The following NTRK2 variants were observed in gnomAD, a reference collection of about 807,000 sequenced individuals.
NTRK2 encodes the protein BDNF/NT-3 growth factors receptor.
Under a neutral mutation model 94.5 loss-of-function variants are expected in NTRK2, and 13 were observed. That is an observed-to-expected ratio of 0.14 (90% CI 0.09 to 0.22). NTRK2 has a LOEUF of 0.22. Among genes scored for constraint, NTRK2 ranks in the 10% least tolerant of loss-of-function variants. The pLI is 1.00. For missense variants in NTRK2, 639 were observed against 1,071.2 expected, an observed-to-expected ratio of 0.60 and a Z score of 5.63; for synonymous variants, 372 against 407.4, an observed-to-expected ratio of 0.91 and a Z score of 1.05.
At chr9:84,876,187 A>C (rs2076060193) in intron 14 of NTRK2, 10 of 1,040,672 alleles carry the variant, frequency 9.6e-6, no homozygotes, top group Non-Finnish European at 1.2e-5. Context: ...TGAGTGCCAT[A>C]TTCCTAAATT....
At chr9:84,992,913 A>C (rs191477957) in intron 17 of NTRK2, among the ~76,000 whole-genome samples, 19 of 149,390 alleles carry the variant, frequency 1.3e-4, no homozygotes, top group Non-Finnish European at 2.4e-4. Context: ...AGAAAAAAAA[A>C]ATATATAAAT....
Position 84,670,652 on chromosome 9 carries a change from A to G in NTRK2, c.-97A>G. On this transcript the variant is annotated 5_prime_UTR_variant, in exon 2 of 19. Coordinates refer to ENST00000277120, the MANE Select transcript of NTRK2 (RefSeq NM_006180.6). Reference sequence around the variant, plus strand: ...CCGCAACAAGCACCGAGGAGTTAAGAGAGCCGCAAGCGCAGGGAAGGCCTC... The same window carrying G: ...CCGCAACAAGCACCGAGGAGTTAAGGGAGCCGCAAGCGCAGGGAAGGCCTC... 2.4e-6 allele frequency: 3 copies of G among 1,230,946 alleles called. No individual in the cohort carries two copies. The highest frequency in any genetic ancestry group is 3.5e-6 in the Non-Finnish European group (3 of 845,352). The allele number at this position is 1,230,946 out of a possible 1,614,324, so 76.3% of individuals were successfully genotyped here.
At chr9:84,963,368 A>G (rs1825177898) in intron 17 of NTRK2, among the ~76,000 whole-genome samples, 1 of 152,248 alleles carries the variant, frequency 6.6e-6, no homozygotes, top group Non-Finnish European at 1.5e-5. Context: ...AAAGAAAATT[A>G]TCTGTCACAT....
At chr9:84,756,314 C>T (rs1177549276) in intron 12 of NTRK2, among the ~76,000 whole-genome samples, 1 of 152,212 alleles carries the variant, frequency 6.6e-6, no homozygotes. Context: ...TTAGCTCTCG[C>T]ATTGCTTCCT....
At chr9:84,813,753 C>T (rs2133598552) in intron 12 of NTRK2, 2 of 1,066,108 alleles carry the variant, frequency 1.9e-6, no homozygotes, top group Non-Finnish European at 2.3e-6. Flanking sequence ...ATATCTGACA[C>T]TAATTTCTTT....
At chr9:84,728,726 T>C (rs1027515390) in intron 9 of NTRK2, among the ~76,000 whole-genome samples, 1 of 152,176 alleles carries the variant, frequency 6.6e-6, no homozygotes, top group Non-Finnish European at 1.5e-5. Context: ...GTGGTAATAG[T>C]GCTTCTCTGG....
At chr9:84,813,043 G>T in intron 12 of NTRK2, 1 of 1,037,030 alleles carries the variant, frequency 9.6e-7, no homozygotes, top group East Asian at 5.9e-5. Flanking sequence ...TGCTTTTTAT[G>T]TCTCCCATAA....
intron 14 of NTRK2, among the ~76,000 whole-genome samples, chr9:84,880,688 A>T (rs1180752141): frequency 1.3e-5 from 2 of 152,202 alleles, no homozygotes; most frequent in East Asian, 3.9e-4. Context: ...ACAGACACAC[A>T]TGTTGACCAA....
In NTRK2 at chr9:84,908,091, A is replaced by T. The variant is rs915885769; in HGVS notation, c.1634-26071A>T. ...TTCTACTACTGGCTACCAAAACAAA[A>T]CAAACAAACAAACAAACAAAAACAA... is the stretch of plus-strand genomic sequence containing the variant. On this transcript the variant is annotated intron_variant, in intron 14 of 18. Coordinates refer to ENST00000277120, the MANE Select transcript of NTRK2 (RefSeq NM_006180.6). Among the ~76,000 whole-genome samples, 9 of 152,320 alleles carry T rather than the reference A, an allele frequency of 5.9e-5. No homozygotes were observed. The East Asian group carries it at 1.7e-3, about 29-fold the overall frequency.
chr9:84,942,009 C>A (rs184162767), intron 15 of NTRK2, among the ~76,000 whole-genome samples: 10 of 152,242 alleles, frequency 6.6e-5, no homozygotes. Flanking sequence ...GGCTATAAAT[C>A]TTGTATATGA....
At chr9:84,981,829 ATTGAT>A (rs527647507) in intron 17 of NTRK2, among the ~76,000 whole-genome samples, 24 of 152,306 alleles carry the variant, frequency 1.6e-4, no homozygotes, top group Middle Eastern at 3.4e-3. Context: ...CTGGGGTTTT[ATTGAT>A]TATTTGGAAG....
At chr9:84,704,462 G>T (rs1291650915) in intron 4 of NTRK2, among the ~76,000 whole-genome samples, 2 of 151,784 alleles carry the variant, frequency 1.3e-5, no homozygotes, top group Admixed American at 6.6e-5. Flanking sequence ...TCCTGACCTT[G>T]TGATCTGCCC....
At chr9:84,722,539 A>T (rs949802088) in intron 6 of NTRK2, among the ~76,000 whole-genome samples, 2 of 152,154 alleles carry the variant, frequency 1.3e-5, no homozygotes, top group Admixed American at 1.3e-4. Context: ...ATGATGTATC[A>T]TAGTTCTTCA....
intron 2 of NTRK2, among the ~76,000 whole-genome samples, chr9:84,692,468 C>CTTTTTTTTTTTT (rs71369138): frequency 1.1e-5 from 1 of 87,694 alleles, no homozygotes; most frequent in African/African-American, 4.4e-5. Flanking sequence ...TTCTTTTTTT[C>CTTTTTTTTTTTT]TTTTTTTTTT....
chr9:84,725,622 A>AATATATATATATGTACATTATATATATT (rs1564133368), intron 8 of NTRK2, among the ~76,000 whole-genome samples: 5 of 147,438 alleles, frequency 3.4e-5, no homozygotes, highest in South Asian at 4.2e-4. Flanking sequence ...TATTTTGTGT[A>AATATATATATATGTACATTATATATATT]ATATATATAT....
chr9:84,873,561 AGAT>A, intron 14 of NTRK2: 1 of 1,054,104 alleles, frequency 9.5e-7, no homozygotes, highest in Non-Finnish European at 1.1e-6. Context: ...ACTCCAAAGG[AGAT>A]GATAAGAAGC....
intron 14 of NTRK2, among the ~76,000 whole-genome samples, chr9:84,891,374 C>T (rs555956829): frequency 2.6e-5 from 4 of 151,614 alleles, no homozygotes; most frequent in Admixed American, 6.6e-5. Context: ...CAGGAAGACA[C>T]GGTGCATTGG....
chr9:84,744,979 G>A lies in NTRK2; in HGVS notation c.1202G>A (p.Gly401Glu). The A allele has an allele frequency of 6.2e-7, 1 of 1,612,918 alleles. No individual in the cohort carries two copies. The highest frequency in any genetic ancestry group is 2.2e-5 in the East Asian group (1 of 44,834). The stretch of plus-strand genomic sequence containing the variant: ...CCCCCTTTGCCCACTTAAGATTATG[G>A]AACTGCAGCGAATGACATCGGGGAC... ...NYPDVIYEDYGTAANDIGDTT... is the reference protein window; with the variant it reads ...NYPDVIYEDYETAANDIGDTT... Residue 401 changes from glycine to glutamate, a missense_variant, in exon 11 of 19, where the codon GGA becomes GAA. Gly to Glu is a moderately conservative substitution (Grantham distance 98). Coordinates refer to ENST00000277120, the MANE Select transcript of NTRK2 (RefSeq NM_006180.6).
intron 17 of NTRK2, among the ~76,000 whole-genome samples, chr9:85,010,977 A>G (rs1183964996): frequency 6.6e-6 from 1 of 152,176 alleles, no homozygotes; most frequent in East Asian, 1.9e-4. Flanking sequence ...CCAGGAAGCC[A>G]TTCTGCCCCT....
Sources: gnomAD v4.1 joint callset for allele counts (sites outside exome capture counted in the v4.1 genomes callset) on GRCh38, gnomAD v4.1.1 for gene constraint, MANE v1.5 for transcripts, NCBI Gene and HGNC (gene_info 2026-07-23, HGNC 2026-07-21) for gene names.